The following COMMD10 variants were observed in gnomAD, a reference collection of about 807,000 sequenced individuals.
The protein encoded by COMMD10 is COMM domain-containing protein 10.
Under a neutral mutation model 28.9 loss-of-function variants are expected in COMMD10, and 33 were observed. The observed-to-expected ratio is 1.14, with a 90% CI of 0.87 to 1.53. COMMD10 has a LOEUF of 1.53. COMMD10 is among the 40% of genes most tolerant of loss of function. The pLI, the probability that COMMD10 is intolerant of heterozygous loss-of-function variation, is 0.00. For synonymous variants in COMMD10, 110 were observed against 81.7 expected (o/e 1.35, Z -1.87); for missense variants, 310 against 233.4 (o/e 1.33, Z -2.14).
At chr5:116,149,882 T>C (rs866369923) in intron 5 of COMMD10, among the ~76,000 whole-genome samples, 1 of 151,468 alleles carries the variant, frequency 6.6e-6, no homozygotes, top group Admixed American at 6.6e-5. Flanking sequence ...TTGTCAATTT[T>C]GTCTTTTGTT....
intron 5 of COMMD10, chr5:116,218,420 A>C: frequency 7.4e-6 from 3 of 408,046 alleles, no homozygotes; most frequent in East Asian, 5.4e-5. Context: ...ACCACTCTTA[A>C]TAGTAAATTC....
At chr5:116,196,357 A>AGG (rs1748521237) in intron 5 of COMMD10, among the ~76,000 whole-genome samples, 1 of 152,088 alleles carries the variant, frequency 6.6e-6, no homozygotes, top group African/African-American at 2.4e-5. Flanking sequence ...GAAGAGAGGG[A>AGG]GGGGGTGAGG....
At chr5:116,143,564 G>T (rs898312604) in intron 5 of COMMD10, among the ~76,000 whole-genome samples, 1 of 151,596 alleles carries the variant, frequency 6.6e-6, no homozygotes, top group Non-Finnish European at 1.5e-5. Flanking sequence ...GAAACCCAGA[G>T]GCAGTTGATA....
chr5:116,133,719 C>G (rs1050932456), intron 4 of COMMD10, among the ~76,000 whole-genome samples: 1 of 152,108 alleles, frequency 6.6e-6, no homozygotes, highest in Admixed American at 6.5e-5. Flanking sequence ...ATTTAAAAAT[C>G]ATTAGTTTTA....
chr5:116,108,191 G>A (rs1750906975), intron 4 of COMMD10, among the ~76,000 whole-genome samples: 1 of 152,238 alleles, frequency 6.6e-6, no homozygotes, highest in African/African-American at 2.4e-5. Context: ...CTGGATCAGA[G>A]CTTGAATGCT....
intron 5 of COMMD10, among the ~76,000 whole-genome samples, chr5:116,155,789 A>G (rs1298948539): frequency 6.6e-6 from 1 of 152,092 alleles, no homozygotes; most frequent in Non-Finnish European, 1.5e-5. Flanking sequence ...TGTAGGCTTT[A>G]CTTACACTGC....
intron 5 of COMMD10, among the ~76,000 whole-genome samples, chr5:116,181,916 A>G (rs1040890647): frequency 2.0e-5 from 3 of 152,096 alleles, no homozygotes; most frequent in Non-Finnish European, 4.4e-5. Flanking sequence ...CGAGCTGGAG[A>G]TAAAGAGTAG....
intron 5 of COMMD10, among the ~76,000 whole-genome samples, chr5:116,149,895 C>G (rs1446567652): frequency 6.6e-6 from 1 of 151,256 alleles, no homozygotes; most frequent in Non-Finnish European, 1.5e-5. Context: ...CTTTTGTTGC[C>G]ATTGCTTTTG....
chr5:116,195,515 C>T lies in COMMD10; in HGVS notation c.510+61337C>T, dbSNP rs1049214173. On this transcript the variant is annotated intron_variant, in intron 5 of 6. Transcript: ENST00000274458. ...CAGTAGCTGTTCTATACACCAACAG[C>T]GACCAAACAGAGAATCAAGTCAAGA... Among the ~76,000 whole-genome samples, 7 of 152,074 alleles carry T rather than the reference C, an allele frequency of 4.6e-5. No individual in the cohort carries two copies. In the South Asian group the frequency reaches 6.3e-4, roughly 14 times the overall value.
In COMMD10 at chr5:116,092,667, A is replaced by C. The variant is rs1234341234; in HGVS notation, c.366A>C (p.Glu122Asp). ...CTTCTATGGGTCAAGAAACAGTTGA[A>C]AAGTTCCGGCAGAGAATTCTGGCTC... Reference protein sequence around the residue: ...TWSSMGQETVEKFRQRILAPC... With the variant: ...TWSSMGQETVDKFRQRILAPC... Residue 122 changes from glutamate (E) to aspartate (D), a missense_variant, in exon 4 of 7, where the codon GAA becomes GAC. Physicochemically the swap from Glu to Asp is conservative, Grantham distance 45. Coordinates refer to ENST00000274458, the MANE Select transcript of COMMD10 (RefSeq NM_016144.4). 1 of 1,609,106 alleles carries C rather than the reference A, an allele frequency of 6.2e-7. No homozygotes were observed. The highest frequency in any genetic ancestry group is 1.3e-5 in the African/African-American group (1 of 74,810).
intron 5 of COMMD10, among the ~76,000 whole-genome samples, chr5:116,272,209 C>A (rs1253945808): frequency 1.3e-5 from 2 of 151,710 alleles, no homozygotes; most frequent in Admixed American, 1.3e-4. Context: ...TCAGTGCAGT[C>A]TTTTTGTACC....
chr5:116,259,374 A>G (rs962426535), intron 5 of COMMD10, among the ~76,000 whole-genome samples: 2 of 151,326 alleles, frequency 1.3e-5, no homozygotes, highest in African/African-American at 4.9e-5. Context: ...AGTCTTTTCC[A>G]TAATTGTTTT....
At chr5:116,236,577 A>T (rs923753477) in intron 5 of COMMD10, among the ~76,000 whole-genome samples, 1 of 151,790 alleles carries the variant, frequency 6.6e-6, no homozygotes, top group African/African-American at 2.4e-5. Flanking sequence ...AATACACATT[A>T]CTAACTCAAG....
intron 5 of COMMD10, among the ~76,000 whole-genome samples, chr5:116,162,061 T>C (rs1324015664): frequency 6.6e-6 from 1 of 152,226 alleles, no homozygotes; most frequent in Non-Finnish European, 1.5e-5. Flanking sequence ...TTGTAATATA[T>C]GTTGACCTCA....
intron 5 of COMMD10, among the ~76,000 whole-genome samples, chr5:116,198,237 C>T (rs1407163361): frequency 6.6e-6 from 1 of 152,084 alleles, no homozygotes; most frequent in Non-Finnish European, 1.5e-5. Flanking sequence ...TAGGTGTTCA[C>T]CTTTAGCAGC....
intron 5 of COMMD10, among the ~76,000 whole-genome samples, chr5:116,138,059 A>C (rs1331504100): frequency 6.6e-6 from 1 of 151,910 alleles, no homozygotes; most frequent in Non-Finnish European, 1.5e-5. Flanking sequence ...ATAATTTGTG[A>C]AGTCAGTAGT....
At chr5:116,136,593 T>C (rs887301869) in intron 5 of COMMD10, among the ~76,000 whole-genome samples, 1 of 152,186 alleles carries the variant, frequency 6.6e-6, no homozygotes, top group African/African-American at 2.4e-5. Flanking sequence ...GTTATATTTT[T>C]AGGCAGTAGG....
intron 5 of COMMD10, among the ~76,000 whole-genome samples, chr5:116,148,413 TAAAG>T (rs1413475096): frequency 6.6e-6 from 1 of 151,882 alleles, no homozygotes; most frequent in Admixed American, 6.6e-5. Context: ...CTTTCAGACA[TAAAG>T]AAGTTCTACC....
At chr5:116,254,962 C>A (rs1750238602) in intron 5 of COMMD10, among the ~76,000 whole-genome samples, 1 of 151,382 alleles carries the variant, frequency 6.6e-6, no homozygotes, top group Admixed American at 6.6e-5. Context: ...TCAGGACTTG[C>A]TTTATGAATC....
Sources: gnomAD v4.1 joint callset for allele counts (sites outside exome capture counted in the v4.1 genomes callset) on GRCh38, gnomAD v4.1.1 for gene constraint, MANE v1.5 for transcripts, NCBI Gene and HGNC (gene_info 2026-07-23, HGNC 2026-07-21) for gene names.